Variants in SGPL1 observed in about 807,000 individuals in gnomAD.
SGPL1 encodes SP-lyase 1.
SGPL1 carries 37 observed loss-of-function variants against 68.9 expected under a neutral mutation model. The observed-to-expected ratio is 0.54, with a 90% CI of 0.41 to 0.71. The LOEUF (loss-of-function observed/expected upper bound fraction) is 0.71, where lower values mean the gene tolerates loss of function less well. SGPL1 is among the 30% of genes least tolerant of loss of function. SGPL1 has a pLI of 0.00. For synonymous variants in SGPL1, 236 were observed against 248.5 expected (o/e 0.95, Z 0.47); for missense variants, 551 against 704.6 (o/e 0.78, Z 2.47).
At chr10:70,825,609 T>G (rs1370701080) in intron 2 of SGPL1, among the ~76,000 whole-genome samples, 1 of 152,192 alleles carries the variant, frequency 6.6e-6, no homozygotes, top group East Asian at 1.9e-4. Flanking sequence ...AGCTGCTTTG[T>G]TCCAGTAGTA....
At chr10:70,820,998 T>C (rs1171301794) in intron 2 of SGPL1, among the ~76,000 whole-genome samples, 1 of 152,206 alleles carries the variant, frequency 6.6e-6, no homozygotes, top group African/African-American at 2.4e-5. Context: ...GGAGATGACC[T>C]GGAGTCCACA....
intron 11 of SGPL1, 31 bp from the exon 12 acceptor site, chr10:70,873,320 T>C: frequency 6.6e-7 from 1 of 1,519,080 alleles, no homozygotes; most frequent in Non-Finnish European, 9.1e-7. Context: ...AACTATACTC[T>C]CACTTTTCTT....
At chr10:70,845,178 G>A (rs76554423) in intron 3 of SGPL1, among the ~76,000 whole-genome samples, 245 of 152,086 alleles carry the variant, frequency 1.6e-3, no homozygotes, top group Admixed American at 3.9e-3. Context: ...ACGTAAAAAC[G>A]CCTCAGAATT....
chr10:70,862,516 A>G (rs1191738703), intron 7 of SGPL1, among the ~76,000 whole-genome samples: 1 of 152,118 alleles, frequency 6.6e-6, no homozygotes, highest in African/African-American at 2.4e-5. Flanking sequence ...GTCCCCTTCC[A>G]CACTGTGGAA....
At chr10:70,838,725 T>A (rs1320437268) in intron 2 of SGPL1, among the ~76,000 whole-genome samples, 1 of 152,162 alleles carries the variant, frequency 6.6e-6, no homozygotes, top group Non-Finnish European at 1.5e-5. Context: ...GGACACAAAA[T>A]CAGTTTAGTA....
At chr10:70,860,982 G>A (rs1056959685) in intron 7 of SGPL1, among the ~76,000 whole-genome samples, 2 of 150,882 alleles carry the variant, frequency 1.3e-5, no homozygotes, top group South Asian at 2.1e-4. Flanking sequence ...TGGCTCCTAG[G>A]TCCATTTACA....
At chr10:70,830,335 G>C (rs571930100) in intron 2 of SGPL1, among the ~76,000 whole-genome samples, 1 of 152,078 alleles carries the variant, frequency 6.6e-6, no homozygotes, top group African/African-American at 2.4e-5. Flanking sequence ...CCTTCTCACC[G>C]GTCCTCAGCA....
intron 2 of SGPL1, among the ~76,000 whole-genome samples, chr10:70,833,316 A>G (rs376434395): frequency 5.9e-5 from 9 of 152,222 alleles, no homozygotes; most frequent in South Asian, 2.1e-4. Flanking sequence ...AACTTCTCAG[A>G]TACTGGATCT....
At chr10:70,865,634 A>G (rs548979560) in intron 7 of SGPL1, among the ~76,000 whole-genome samples, 8 of 152,372 alleles carry the variant, frequency 5.3e-5, no homozygotes, top group African/African-American at 1.9e-4. Context: ...GCCAGAAGAT[A>G]AAACCAAATG....
At chr10:70,857,554 C>A in intron 5 of SGPL1, 60 bp from the exon 6 acceptor site, 1 of 1,370,064 alleles carries the variant, frequency 7.3e-7, no homozygotes, top group Non-Finnish European at 1.0e-6. Context: ...TCTTCTTTAT[C>A]AGAACCTGTC....
chr10:70,849,664 G>C (rs1564624325), intron 3 of SGPL1, among the ~76,000 whole-genome samples: 1 of 152,234 alleles, frequency 6.6e-6, no homozygotes, highest in Admixed American at 6.5e-5. Flanking sequence ...CAAAAAGGGG[G>C]TGCAGACACA....
chr10:70,854,465 G>A (rs915518742), intron 4 of SGPL1, among the ~76,000 whole-genome samples: 5 of 152,116 alleles, frequency 3.3e-5, no homozygotes, highest in Admixed American at 1.3e-4. Context: ...GTAAGCCACC[G>A]CGACCGGCTG....
Position 70,847,349 on chromosome 10 carries a change from A to G in SGPL1, c.193+2711A>G, listed in dbSNP as rs148036953. On this transcript the variant is annotated intron_variant, in intron 3 of 14. Transcript: ENST00000373202. ...TTTTTAGTAGAGATGGGGTTTCGCC[A>G]TGTTGGCCAGGCTGGTTTTGAACTC... Among the ~76,000 whole-genome samples, 582 of 152,176 alleles carry G rather than the reference A, an allele frequency of 3.8e-3. 2 individuals are homozygous for G. The highest frequency in any genetic ancestry group is 0.013 in the African/African-American group (551 of 41,508).
chr10:70,824,958 T>C (rs1196195261), intron 2 of SGPL1, among the ~76,000 whole-genome samples: 1 of 119,652 alleles, frequency 8.4e-6, no homozygotes. Flanking sequence ...ATTCTGACGT[T>C]GTTTTTTCTC....
Position 70,851,161 on chromosome 10 carries a change from A to C in SGPL1, c.212A>C (p.Lys71Thr). The C allele has an allele frequency of 6.2e-7, 1 of 1,613,866 alleles. No homozygotes were observed. Among genetic ancestry groups the C allele is most frequent in the South Asian group, 1.1e-5 (1 of 91,076 alleles). ...FQPESLWSRF[K>T]KKCFKLTRKM... ...CTTTTAGGTTTATGGTCAAGGTTTAAAAAGAAATGTTTTAAGCTCACCAGG... is the reference window on the plus strand; with the variant it reads ...CTTTTAGGTTTATGGTCAAGGTTTACAAAGAAATGTTTTAAGCTCACCAGG... Residue 71 changes from lysine (K) to threonine (T), a missense_variant, in exon 4 of 15, where the codon AAA becomes ACA. Physicochemically the swap from Lys to Thr is moderately conservative, Grantham distance 78. Transcript: ENST00000373202.
intron 2 of SGPL1, among the ~76,000 whole-genome samples, chr10:70,829,457 A>G (rs1845495536): frequency 6.6e-6 from 1 of 152,228 alleles, no homozygotes; most frequent in African/African-American, 2.4e-5. Flanking sequence ...GAAAATGTTT[A>G]TCATTGGATA....
intron 12 of SGPL1, among the ~76,000 whole-genome samples, chr10:70,874,026 T>C (rs1846342968): frequency 6.6e-6 from 1 of 152,180 alleles, no homozygotes; most frequent in African/African-American, 2.4e-5. Context: ...TTTCCATTTC[T>C]GGAGATACTG....
At chr10:70,854,653 G>C in intron 4 of SGPL1, 55 bp from the exon 5 acceptor site, 2 of 1,494,240 alleles carry the variant, frequency 1.3e-6, no homozygotes, top group Non-Finnish European at 1.8e-6. Context: ...TAATAATTCT[G>C]CTGTCTCTAC....
chr10:70,838,554 A>G (rs534220802), intron 2 of SGPL1, among the ~76,000 whole-genome samples: 18 of 152,336 alleles, frequency 1.2e-4, no homozygotes, highest in Admixed American at 2.0e-4. Flanking sequence ...AAGAGAATAA[A>G]TCGTAAGTAT....
Sources: allele counts gnomAD v4.1 joint callset (sites outside exome capture counted in the v4.1 genomes callset), GRCh38; gene constraint gnomAD v4.1.1; transcripts MANE v1.5; gene names NCBI Gene and HGNC (gene_info 2026-07-23, HGNC 2026-07-21).